The following CLASP2 variants were observed in gnomAD, a reference collection of about 807,000 sequenced individuals.
CLASP2 encodes the protein CLIP-associating protein 2.
In CLASP2, 47 loss-of-function variants were observed where a neutral mutation model predicts 194.4. The ratio of observed to expected loss-of-function variants is 0.24; its 90% CI spans 0.19 to 0.31. The LOEUF (loss-of-function observed/expected upper bound fraction) is 0.31. Ranked by LOEUF, CLASP2 falls within the 10% of genes least tolerant of loss-of-function variation. The pLI is 1.00. For synonymous variants in CLASP2, 619 were observed against 633.5 expected (o/e 0.98, Z 0.34); for missense variants, 1,445 against 1,823.6 (o/e 0.79, Z 3.78).
rs1030905068 is a variant in CLASP2 at position 33,606,884 on chromosome 3, G to A, written c.1527-126C>T. ...TTTCAGCATTATCTGATATTTGTCA[G>A]GTGAACACTTTCTAAATTGAACAAG... On this transcript the variant is annotated intron_variant, in intron 15 of 38. Transcript: ENST00000682230. 7.2e-6 allele frequency: 5 copies of A among 694,194 alleles called. No homozygotes were observed. The African/African-American group carries it at 7.2e-5, about 10-fold the overall frequency. The allele number at this position is 694,194 out of a possible 1,614,324, so 43.0% of individuals were successfully genotyped here. A position where few individuals can be genotyped will look rare whatever the true frequency, so the allele number is the denominator to read the frequency against.
chr3:33,559,104 T>A (rs945970043), intron 29 of CLASP2: 2 of 669,066 alleles, frequency 3.0e-6, no homozygotes, highest in African/African-American at 3.6e-5. Flanking sequence ...ATAATGCAGA[T>A]GAAAACAAAA....
intron 10 of CLASP2, among the ~76,000 whole-genome samples, chr3:33,624,059 T>C (rs1233306438): frequency 6.6e-6 from 1 of 152,122 alleles, no homozygotes; most frequent in Non-Finnish European, 1.5e-5. Flanking sequence ...TTTTCAATAT[T>C]TGATTGCCAA....
intron 30 of CLASP2, among the ~76,000 whole-genome samples, chr3:33,549,594 TTCTA>T (rs778603454): frequency 3.3e-5 from 5 of 152,230 alleles, no homozygotes; most frequent in Non-Finnish European, 1.5e-5. Flanking sequence ...TGTGTATTCA[TTCTA>T]TCATTTTAAT....
At position 33,645,787 on chromosome 3, in the gene CLASP2, T is replaced by C. The variant is rs1461963984; in HGVS notation, c.716-884A>G. ...TTACTGTGCATAATTAACTCTGTAA[T>C]CTTAAAATCTGCTCTTTATTTAAGC... On this transcript the variant is annotated intron_variant, in intron 7 of 38. Coordinates refer to ENST00000682230, the MANE Select transcript of CLASP2 (RefSeq NM_001365631.1). Among the ~76,000 whole-genome samples the C allele has an allele frequency of 2.0e-4, 31 of 152,178 alleles. 1 individual carries two copies. The highest frequency in any genetic ancestry group is 2.0e-3 in the Admixed American group (31 of 15,268).
At chr3:33,595,024 G>T in intron 19 of CLASP2, 56 bp from the exon 20 acceptor site, 1 of 1,172,062 alleles carries the variant, frequency 8.5e-7, no homozygotes, top group Non-Finnish European at 1.2e-6. Flanking sequence ...TTGATATTAA[G>T]ACCTACCTCA....
chr3:33,516,395 C>T (rs371899496), intron 35 of CLASP2, among the ~76,000 whole-genome samples: 1 of 152,092 alleles, frequency 6.6e-6, no homozygotes, highest in Non-Finnish European at 1.5e-5. Context: ...GAGCTGGGCA[C>T]GGTGGCTCAT....
At chr3:33,557,551 T>C (rs1375370114) in intron 29 of CLASP2, among the ~76,000 whole-genome samples, 1 of 152,060 alleles carries the variant, frequency 6.6e-6, no homozygotes, top group East Asian at 1.9e-4. Flanking sequence ...CCACATACAT[T>C]TCAGTAGCAC....
intron 7 of CLASP2, among the ~76,000 whole-genome samples, chr3:33,660,914 G>A (rs759979963): frequency 9.2e-5 from 14 of 152,226 alleles, no homozygotes; most frequent in Non-Finnish European, 1.6e-4. Flanking sequence ...ATTTTGTGGG[G>A]AAAAATTGTG....
intron 6 of CLASP2, among the ~76,000 whole-genome samples, chr3:33,664,416 C>CA (rs1404137560): frequency 1.3e-5 from 2 of 152,166 alleles, no homozygotes; most frequent in African/African-American, 2.4e-5. Context: ...TTCTCTGACT[C>CA]ACCCATATAC....
rs766440750 is a variant in CLASP2, at chr3:33,535,294, G to A, written c.3726C>T (p.Pro1242=). The part of the protein sequence containing the change: ...NPYNYSDSIS[P]FNKSALKEAM... ...CTTCCTTGAGGGCAGACTTGTTGAA[G>A]GGACTGATGCTATCTGAATAGTTAT... Residue 1242 remains proline, a synonymous_variant, in exon 34 of 39, where the codon CCC becomes CCT. Coordinates refer to ENST00000682230, the MANE Select transcript of CLASP2 (RefSeq NM_001365631.1). 1 of 1,613,968 alleles carries A rather than the reference G, an allele frequency of 6.2e-7. No individual in the cohort carries two copies. Among genetic ancestry groups the A allele is most frequent in the Non-Finnish European group, 8.5e-7 (1 of 1,179,868 alleles).
At position 33,619,699 on chromosome 3, in the gene CLASP2, G is replaced by T; in HGVS notation, c.1221C>A (p.Gly407=). 4 of 1,584,568 alleles carry T rather than the reference G, an allele frequency of 2.5e-6. No individual in the cohort carries two copies. The highest frequency in any genetic ancestry group is 2.6e-6 in the Non-Finnish European group (3 of 1,164,988). ...AAAGTGTAGGTACAATGGCTTCAGC[G>T]CCATGATCAAACTTGTTTCCCAAAA... ...STVLGNKFDH[G]AEAIVPTLFN... The change falls in exon 12 of 39, where the codon GGC becomes GGA. Residue 407 remains glycine, a synonymous_variant. Transcript: ENST00000682230.
At chr3:33,673,153 G>C (rs1354483696) in intron 6 of CLASP2, among the ~76,000 whole-genome samples, 1 of 152,128 alleles carries the variant, frequency 6.6e-6, no homozygotes, top group Non-Finnish European at 1.5e-5. Context: ...GATTCACCAA[G>C]GTTGAAATGA....
At chr3:33,547,972 G>A (rs2059415262) in intron 30 of CLASP2, among the ~76,000 whole-genome samples, 1 of 151,248 alleles carries the variant, frequency 6.6e-6, no homozygotes, top group Admixed American at 6.6e-5. Flanking sequence ...TATAGACAGG[G>A]TTTCACCATG....
rs968857406 is a variant in CLASP2, at chr3:33,678,136, T to C, written c.644+6223A>G. 2.6e-5 allele frequency among the ~76,000 whole-genome samples: 4 copies of C among 151,750 alleles called. No homozygotes were observed. The East Asian group carries it at 5.8e-4, about 22-fold the overall frequency. ...AGAACTGTGGGGCATCTATAAAAGA[T>C]GGAACATACATGTTAATGGGGATAA... On this transcript the variant is annotated intron_variant, in intron 6 of 38. Transcript: ENST00000682230.
chr3:33,703,636 T>C lies in CLASP2; in HGVS notation c.196-6703A>G, dbSNP rs116567880. ...TGAAAATTGATGTCCATAAAACACC[T>C]ACACACTCATATTTTTTGTTTTTGT... On this transcript the variant is annotated intron_variant, in intron 1 of 38. Transcript: ENST00000682230. Among the ~76,000 whole-genome samples, 332 of 152,334 alleles carry C rather than the reference T, an allele frequency of 2.2e-3. 5 individuals carry two copies. Among genetic ancestry groups the C allele is most frequent in the African/African-American group, 7.7e-3 (321 of 41,578 alleles).
At chr3:33,716,112 A>G (rs920529765) in intron 1 of CLASP2, among the ~76,000 whole-genome samples, 2 of 152,184 alleles carry the variant, frequency 1.3e-5, no homozygotes, top group African/African-American at 4.8e-5. Flanking sequence ...CAGGCAATTT[A>G]TCTATTCTAA....
intron 6 of CLASP2, among the ~76,000 whole-genome samples, chr3:33,667,243 C>T (rs2086341237): frequency 6.6e-6 from 1 of 151,850 alleles, no homozygotes; most frequent in African/African-American, 2.4e-5. Flanking sequence ...GAAACCCCAT[C>T]TGTACTGAAA....
intron 34 of CLASP2, among the ~76,000 whole-genome samples, chr3:33,519,843 C>T (rs928104401): frequency 6.6e-6 from 1 of 152,066 alleles, no homozygotes; most frequent in Admixed American, 6.6e-5. Flanking sequence ...TTCCCAAGCT[C>T]AAAAATACTA....
intron 30 of CLASP2, among the ~76,000 whole-genome samples, chr3:33,550,330 G>C (rs960747166): frequency 1.3e-5 from 2 of 149,220 alleles, no homozygotes; most frequent in Non-Finnish European, 3.0e-5. Context: ...GGAAGGTGGA[G>C]GTTGCAGTGA....
Sources: allele counts gnomAD v4.1 joint callset (sites outside exome capture counted in the v4.1 genomes callset), GRCh38; gene constraint gnomAD v4.1.1; transcripts MANE v1.5; gene names NCBI Gene and HGNC (gene_info 2026-07-23, HGNC 2026-07-21).